The following SLC35D2 variants were observed in gnomAD, a reference collection of about 807,000 sequenced individuals.
SLC35D2 encodes the protein solute carrier family 35 member D2.
A neutral mutation model predicts 41.8 loss-of-function variants in SLC35D2; 43 were observed. The ratio of observed to expected loss-of-function variants is 1.03; its 90% CI spans 0.81 to 1.33. SLC35D2 has a LOEUF of 1.33. SLC35D2 is among the 40% of genes most tolerant of loss of function. The probability of loss-of-function intolerance (pLI) is 0.00; values close to 1 mark genes in which losing one functional copy is unlikely to be tolerated. For synonymous variants in SLC35D2, 150 were observed against 163.9 expected, an observed-to-expected ratio of 0.92 and a Z score of 0.65; for missense variants, 380 against 408.4, an observed-to-expected ratio of 0.93 and a Z score of 0.60.
chr9:96,329,288 T>C (rs1828699550), intron 9 of SLC35D2, among the ~76,000 whole-genome samples: 2 of 151,880 alleles, frequency 1.3e-5, no homozygotes. Flanking sequence ...TGGAGTGTAG[T>C]GGTGCCATCA....
At chr9:96,329,741 C>T (rs1828723207) in intron 9 of SLC35D2, among the ~76,000 whole-genome samples, 1 of 152,166 alleles carries the variant, frequency 6.6e-6, no homozygotes, top group Non-Finnish European at 1.5e-5. Context: ...TTTCACAGCC[C>T]TTTTGTGAGA....
chr9:96,377,647 C>T (rs1336701289), intron 1 of SLC35D2, among the ~76,000 whole-genome samples: 1 of 152,170 alleles, frequency 6.6e-6, no homozygotes, highest in Non-Finnish European at 1.5e-5. Context: ...GACTTTGACA[C>T]TTGTAAGGAG....
chr9:96,368,202 A>G, intron 2 of SLC35D2, 70 bp downstream of exon 2: 10 of 1,293,056 alleles, frequency 7.7e-6, no homozygotes, highest in Non-Finnish European at 1.1e-5. Flanking sequence ...GCTTTAAACA[A>G]AAGGACTTAA....
At chr9:96,339,121 T>G (rs1829188826) in intron 8 of SLC35D2, among the ~76,000 whole-genome samples, 1 of 152,126 alleles carries the variant, frequency 6.6e-6, no homozygotes, top group Non-Finnish European at 1.5e-5. Context: ...TTTGTTTTGT[T>G]TTTTTTTGAG....
rs113462973 is a variant in SLC35D2 at position 96,337,702 on chromosome 9, C to T, written c.685-918G>A. Among the ~76,000 whole-genome samples the T allele has an allele frequency of 1.5e-3, 221 of 151,942 alleles. 1 individual carries two copies. The highest frequency in any genetic ancestry group is 5.0e-3 in the African/African-American group (207 of 41,452). On this transcript the variant is annotated intron_variant, in intron 8 of 11. Transcript: ENST00000253270. ...AAGAAGTTTAAGACTTCATTTTTGG[C>T]CGGGCGCAGTGGCTCACGCTTGTAA...
chr9:96,371,447 C>G (rs1234520753), intron 1 of SLC35D2, among the ~76,000 whole-genome samples: 1 of 109,382 alleles, frequency 9.1e-6, no homozygotes, highest in Non-Finnish European at 1.7e-5. Flanking sequence ...CTCTATCTAG[C>G]CTGGGTGACA....
At position 96,383,667 on chromosome 9, in the gene SLC35D2, A is replaced by C; in HGVS notation, c.-33T>G. The C allele has an allele frequency of 2.0e-6, 2 of 1,003,620 alleles. No individual in the cohort carries two copies. Among genetic ancestry groups the C allele is most frequent in the Non-Finnish European group, 2.4e-6 (2 of 844,242 alleles). The allele number at this position is 1,003,620 out of a possible 1,614,324, so 62.2% of individuals were successfully genotyped here. ...GGCCCCGCGGACCCCGCCGCCCGCC[A>C]GCCCCGGCTGCGCACTGGTCCCGCC... On this transcript the variant is annotated 5_prime_UTR_variant, in exon 1 of 12. Transcript: ENST00000253270.
rs1363323122 is a variant in SLC35D2, at chr9:96,367,582, A to G, written c.192+690T>C. Among the ~76,000 whole-genome samples the G allele has an allele frequency of 2.6e-5, 4 of 152,252 alleles. No homozygotes were observed. The East Asian group carries it at 7.7e-4, about 29-fold the overall frequency. ...CGGATCGCCTGAGGTCAGGAGTTCG[A>G]GACCAGCCTAGCTAACATGGCGAAA... On this transcript the variant is annotated intron_variant, in intron 2 of 11. Coordinates refer to ENST00000253270, the MANE Select transcript of SLC35D2 (RefSeq NM_007001.3).
At chr9:96,330,438 T>C (rs545980530) in intron 9 of SLC35D2, among the ~76,000 whole-genome samples, 2 of 152,312 alleles carry the variant, frequency 1.3e-5, no homozygotes, top group Admixed American at 6.5e-5. Flanking sequence ...CCCACAGGCA[T>C]CGCCTTAAAC....
At chr9:96,356,378 T>C (rs1564112592) in intron 4 of SLC35D2, among the ~76,000 whole-genome samples, 1 of 150,626 alleles carries the variant, frequency 6.6e-6, no homozygotes, top group Non-Finnish European at 1.5e-5. Context: ...TGGCTTTATT[T>C]ATTCTTTTTT....
At chr9:96,329,580 C>G (rs1343546748) in intron 9 of SLC35D2, among the ~76,000 whole-genome samples, 4 of 152,208 alleles carry the variant, frequency 2.6e-5, no homozygotes, top group African/African-American at 9.6e-5. Context: ...CTTCAAAACA[C>G]TCCTCCACTG....
At chr9:96,328,223 C>A (rs929846051) in intron 9 of SLC35D2, among the ~76,000 whole-genome samples, 4 of 139,522 alleles carry the variant, frequency 2.9e-5, no homozygotes, top group African/African-American at 1.1e-4. Flanking sequence ...TTGCTGAATT[C>A]TTAGTAACCT....
At chr9:96,348,084 G>C (rs1461165650) in intron 6 of SLC35D2, among the ~76,000 whole-genome samples, 1 of 152,100 alleles carries the variant, frequency 6.6e-6, no homozygotes, top group Non-Finnish European at 1.5e-5. Context: ...TAATAAACTT[G>C]CTTTCACGCT....
At chr9:96,345,168 G>T in intron 7 of SLC35D2, 131 bp downstream of exon 7, 1 of 555,550 alleles carries the variant, frequency 1.8e-6, no homozygotes. Context: ...CAAGATAATT[G>T]AAAATAAGGA....
chr9:96,364,031 C>T (rs1830384746), intron 3 of SLC35D2, among the ~76,000 whole-genome samples: 4 of 152,100 alleles, frequency 2.6e-5, no homozygotes, highest in South Asian at 2.1e-4. Context: ...ATTAAAGTTT[C>T]TTGGCCAGGC....
At chr9:96,327,960 G>T (rs993864676) in intron 9 of SLC35D2, among the ~76,000 whole-genome samples, 5 of 151,556 alleles carry the variant, frequency 3.3e-5, no homozygotes, top group African/African-American at 7.3e-5. Flanking sequence ...CCCCAGAGAG[G>T]GCAAATATAG....
intron 10 of SLC35D2, among the ~76,000 whole-genome samples, 183 bp from the exon 11 acceptor site, chr9:96,322,263 A>G (rs1828273384): frequency 6.6e-6 from 1 of 152,256 alleles, no homozygotes; most frequent in South Asian, 2.1e-4. Flanking sequence ...TCACGCCTGT[A>G]ATCCCAATAC....
intron 1 of SLC35D2, chr9:96,374,109 G>A (rs1261111440): frequency 6.6e-6 from 1 of 152,038 alleles, no homozygotes; most frequent in East Asian, 1.9e-4. Flanking sequence ...GTTTGGGAGA[G>A]GAGGAATCTA....
chr9:96,369,276 A>T (rs927908234), intron 1 of SLC35D2, among the ~76,000 whole-genome samples: 3 of 152,180 alleles, frequency 2.0e-5, no homozygotes, highest in African/African-American at 7.2e-5. Flanking sequence ...TTATATATCA[A>T]TATTCTCAAA....
Sources: gnomAD v4.1 joint callset for allele counts (sites outside exome capture counted in the v4.1 genomes callset) on GRCh38, gnomAD v4.1.1 for gene constraint, MANE v1.5 for transcripts, NCBI Gene and HGNC (gene_info 2026-07-23, HGNC 2026-07-21) for gene names.